The following PRMT8 variants were observed in gnomAD, a reference collection of about 807,000 sequenced individuals.
PRMT8 encodes protein arginine methyltransferase 8.
A neutral mutation model predicts 47.1 loss-of-function variants in PRMT8; 7 were observed. The observed-to-expected ratio is 0.15, with a 90% confidence interval of 0.08 to 0.28. The LOEUF (loss-of-function observed/expected upper bound fraction) is 0.28, where lower values mean the gene tolerates loss of function less well. Ranked by LOEUF, PRMT8 falls within the 10% of genes least tolerant of loss-of-function variation. PRMT8 has a pLI of 1.00. For missense variants in PRMT8, 237 were observed against 505.4 expected, an observed-to-expected ratio of 0.47 and a Z score of 5.09; for synonymous variants, 188 against 186.5, an observed-to-expected ratio of 1.01 and a Z score of -0.07.
At chr12:3,482,016 G>C (rs1218412345) in intron 1 of PRMT8, among the ~76,000 whole-genome samples, 1 of 152,180 alleles carries the variant, frequency 6.6e-6, no homozygotes, top group African/African-American at 2.4e-5. Context: ...ATCCAATCGG[G>C]GAAAGGAAGG....
intron 1 of PRMT8, among the ~76,000 whole-genome samples, chr12:3,516,958 C>T (rs953149370): frequency 2.0e-5 from 3 of 152,206 alleles, no homozygotes; most frequent in African/African-American, 7.2e-5. Context: ...CCTGAGCTAA[C>T]TAGGATTGCA....
intron 1 of PRMT8, among the ~76,000 whole-genome samples, chr12:3,451,178 A>G (rs1488354747): frequency 6.6e-6 from 1 of 151,850 alleles, no homozygotes; most frequent in South Asian, 2.1e-4. Context: ...CAGGAGCTCT[A>G]TTTATGTGAT....
intron 1 of PRMT8, among the ~76,000 whole-genome samples, chr12:3,481,727 G>A (rs1029834777): frequency 3.3e-5 from 5 of 152,232 alleles, no homozygotes; most frequent in African/African-American, 4.8e-5. Context: ...CCTTGGTGGC[G>A]GGGAGCTTTG....
chr12:3,563,425 A>G (rs1423964967), intron 4 of PRMT8, among the ~76,000 whole-genome samples: 1 of 151,992 alleles, frequency 6.6e-6, no homozygotes, highest in Non-Finnish European at 1.5e-5. Flanking sequence ...CTGAGGCTTC[A>G]TGACACCGGG....
chr12:3,542,980 A>C (rs1391686523), intron 2 of PRMT8, among the ~76,000 whole-genome samples: 1 of 152,244 alleles, frequency 6.6e-6, no homozygotes, highest in African/African-American at 2.4e-5. Flanking sequence ...CACCAAATAA[A>C]TACTAGACCA....
chr12:3,490,802 GT>G (rs1188107204), upstream of PRMT8, among the ~76,000 whole-genome samples: 1 of 149,464 alleles, frequency 6.7e-6, no homozygotes, highest in Non-Finnish European at 1.5e-5. Context: ...CCACCCCTTC[GT>G]TCCCCAAATC....
chr12:3,437,054 A>G (rs1953656211), intron 1 of PRMT8, among the ~76,000 whole-genome samples: 1 of 152,208 alleles, frequency 6.6e-6, no homozygotes, highest in African/African-American at 2.4e-5. Flanking sequence ...AGTTCTGACA[A>G]TTCAAATGAC....
At chr12:3,406,681 C>T (rs1054510972) in intron 1 of PRMT8, among the ~76,000 whole-genome samples, 23 of 152,186 alleles carry the variant, frequency 1.5e-4, no homozygotes, top group Non-Finnish European at 2.4e-4. Flanking sequence ...TCATAGACCA[C>T]CTCAGCCTGG....
At chr12:3,529,478 A>G (rs577749685) in intron 1 of PRMT8, among the ~76,000 whole-genome samples, 9 of 152,298 alleles carry the variant, frequency 5.9e-5, no homozygotes, top group African/African-American at 2.2e-4. Context: ...GCAGACCCGC[A>G]TATTACCCAG....
chr12:3,444,711 G>A (rs932778915), intron 1 of PRMT8, among the ~76,000 whole-genome samples: 4 of 152,238 alleles, frequency 2.6e-5, no homozygotes, highest in South Asian at 2.1e-4. Flanking sequence ...ACTGGGCATC[G>A]TGGAGCAAGA....
rs1866450646 is a variant in PRMT8, at chr12:3,552,924, A to G, written c.418-727A>G. On this transcript the variant is annotated intron_variant, in intron 3 of 9. Transcript: ENST00000382622. The surrounding 1 kb of genome is among the most constrained non-coding windows in gnomAD (Gnocchi z 4.5). Reference sequence around the variant, plus strand: ...GACGGCTCTTGGCAGCTGCCCCTCCATGTCCAGAACCCCTGGCAGTGTGCC... The same window carrying G: ...GACGGCTCTTGGCAGCTGCCCCTCCGTGTCCAGAACCCCTGGCAGTGTGCC... 5 of 367,120 alleles carry G rather than the reference A, an allele frequency of 1.4e-5. No individual in the cohort carries two copies. The highest frequency in any genetic ancestry group is 2.2e-5 in the Non-Finnish European group (4 of 183,224). The allele number at this position is 367,120 out of a possible 1,614,324, so 22.7% of individuals were successfully genotyped here. A position where few individuals can be genotyped will look rare whatever the true frequency, so the allele number is the denominator to read the frequency against.
intron 1 of PRMT8, among the ~76,000 whole-genome samples, chr12:3,447,229 T>C (rs1864867688): frequency 6.6e-6 from 1 of 152,204 alleles, no homozygotes; most frequent in Non-Finnish European, 1.5e-5. Context: ...AACAGGCGCT[T>C]GTATCTGTGC....
At chr12:3,437,354 ATATTT>A (rs1415651087) in intron 1 of PRMT8, among the ~76,000 whole-genome samples, 7 of 151,938 alleles carry the variant, frequency 4.6e-5, no homozygotes, top group African/African-American at 1.2e-4. Flanking sequence ...TTAGTTTTAT[ATATTT>A]TATTTTATTT....
chr12:3,525,311 G>A (rs1165845038), intron 1 of PRMT8, among the ~76,000 whole-genome samples: 1 of 152,196 alleles, frequency 6.6e-6, no homozygotes, highest in Non-Finnish European at 1.5e-5. Flanking sequence ...TCAGATAGCA[G>A]AATAAAGATC....
chr12:3,535,796 TGA>T lies in PRMT8; in HGVS notation c.76-4806_76-4805del, dbSNP rs1866108051. Among the ~76,000 whole-genome samples the T allele has an allele frequency of 1.3e-5, 2 of 152,282 alleles. No individual in the cohort carries two copies. Among genetic ancestry groups the T allele is most frequent in the African/African-American group, 4.8e-5 (2 of 41,558 alleles). On this transcript the variant is annotated intron_variant, in intron 1 of 9. Coordinates refer to ENST00000382622, the MANE Select transcript of PRMT8 (RefSeq NM_019854.5). This position sits in a 1 kb window ranked among gnomAD's most constrained non-coding sequence, Gnocchi z 4.7. ...CATGAGCAGACCAAGACGCTGATGT[TGA>T]GAGTCCAGCTGCCCATCCGAGTGTG...
intron 1 of PRMT8, among the ~76,000 whole-genome samples, chr12:3,446,408 C>T (rs1864856031): frequency 6.6e-6 from 1 of 152,102 alleles, no homozygotes; most frequent in African/African-American, 2.4e-5. Context: ...ACCGCCTCGG[C>T]CCCCAGCCTG....
Position 3,404,772 on chromosome 12 carries a change from G to T in PRMT8, c.48+23330G>T, listed in dbSNP as rs562388614. On this transcript the variant is annotated intron_variant, in intron 1 of 9. Transcript: ENST00000452611. ...CTCTCTCTATGAGTAGGAATTTCTT[G>T]TTTCTCCTTTTAATTTTGTCAATTT... is the stretch of plus-strand genomic sequence containing the variant. 3.9e-5 allele frequency among the ~76,000 whole-genome samples: 6 copies of T among 152,128 alleles called. No individual in the cohort carries two copies. In the East Asian group the frequency reaches 1.2e-3, roughly 29 times the overall value.
At chr12:3,388,003 T>G (rs1004307186) in intron 1 of PRMT8, among the ~76,000 whole-genome samples, 2 of 151,856 alleles carry the variant, frequency 1.3e-5, no homozygotes, top group Non-Finnish European at 2.9e-5. Context: ...TTTGCCTTAT[T>G]TCCTCAATAA....
At chr12:3,459,112 C>G (rs952137924) in intron 1 of PRMT8, among the ~76,000 whole-genome samples, 4 of 152,216 alleles carry the variant, frequency 2.6e-5, no homozygotes, top group Non-Finnish European at 1.5e-5. Context: ...CTTCATCCCC[C>G]AAACTCTTCT....
Sources: allele counts gnomAD v4.1 joint callset (sites outside exome capture counted in the v4.1 genomes callset), GRCh38; gene constraint gnomAD v4.1.1; non-coding constraint Gnocchi (gnomAD v3.1); transcripts MANE v1.5; gene names NCBI Gene and HGNC (gene_info 2026-07-23, HGNC 2026-07-21).